GFRA1: variants seen among roughly 807,000 people sequenced by gnomAD.
GFRA1 encodes GDNF family receptor alpha-1.
In GFRA1, 16 loss-of-function variants were observed where a neutral mutation model predicts 51.6. The ratio of observed to expected loss-of-function variants is 0.31; its 90% CI spans 0.21 to 0.47. The LOEUF is 0.47. GFRA1 is among the 20% of genes least tolerant of loss of function. The pLI, the probability that GFRA1 is intolerant of heterozygous loss-of-function variation, is 1.00. For missense variants in GFRA1, 530 were observed against 594.3 expected, an observed-to-expected ratio of 0.89 and a Z score of 1.13; for synonymous variants, 270 against 241.3, an observed-to-expected ratio of 1.12 and a Z score of -1.10.
chr10:116,261,782 A>G (rs1969320174), intron 4 of GFRA1, among the ~76,000 whole-genome samples: 1 of 152,230 alleles, frequency 6.6e-6, no homozygotes, highest in Non-Finnish European at 1.5e-5. Context: ...AAAATATTAA[A>G]AGTCATGGTA....
At position 116,057,680 on chromosome 10, in the gene GFRA1, A is replaced by G. The variant is rs1565539088; in HGVS notation, c.*6718T>C. 1 of 152,082 alleles carries G rather than the reference A, an allele frequency of 6.6e-6. No homozygotes were observed. The highest frequency in any genetic ancestry group is 1.5e-5 in the Non-Finnish European group (1 of 68,026). The allele number at this position is 152,082 out of a possible 1,614,324, so 9.4% of individuals were successfully genotyped here. On this transcript the variant is annotated 3_prime_UTR_variant, in exon 11 of 11. Transcript: ENST00000355422. ...ACTCCCTTGGGCGAGGGAAGGGAGA[A>G]GAAGATAGATAATGAGGAGAACTAT...
chr10:116,102,178 A>G (rs1956841587), intron 6 of GFRA1, among the ~76,000 whole-genome samples: 1 of 152,228 alleles, frequency 6.6e-6, no homozygotes, highest in Admixed American at 6.5e-5. Context: ...CCAACCGCCC[A>G]TAATGGCTCT....
At chr10:116,271,965 A>T in intron 2 of GFRA1, 25 bp downstream of exon 2, 1 of 1,546,010 alleles carries the variant, frequency 6.5e-7, no homozygotes, top group Non-Finnish European at 8.8e-7. Flanking sequence ...GAGGGTAAGA[A>T]AGCCCGCGGC....
chr10:116,151,016 T>C (rs1175430524), intron 5 of GFRA1, among the ~76,000 whole-genome samples: 1 of 152,070 alleles, frequency 6.6e-6, no homozygotes, highest in Non-Finnish European at 1.5e-5. Context: ...TTTTTTTTTT[T>C]CTAAACGGGA....
chr10:116,213,153 C>G (rs540941222), intron 4 of GFRA1, among the ~76,000 whole-genome samples: 2 of 152,210 alleles, frequency 1.3e-5, no homozygotes, highest in South Asian at 4.2e-4. Flanking sequence ...CCCAACAATA[C>G]CACTTCTAGG....
rs530935778 is a variant in GFRA1 at position 116,269,623 on chromosome 10, A to G, written c.335-37T>C. 2.4e-6 allele frequency: 3 copies of G among 1,253,450 alleles called. No homozygotes were observed. The South Asian group carries it at 3.6e-5, about 15-fold the overall frequency. The allele number at this position is 1,253,450 out of a possible 1,614,324, so 77.6% of individuals were successfully genotyped here. Reference sequence around the variant, plus strand: ...AGAAAGATTGGGCTCAGATCAGAAAAACATATATTTCAAGCAGGTTTTTGC... The same window carrying G: ...AGAAAGATTGGGCTCAGATCAGAAAGACATATATTTCAAGCAGGTTTTTGC... On this transcript the variant is annotated intron_variant, in intron 3 of 10. Coordinates refer to ENST00000355422, the MANE Select transcript of GFRA1 (RefSeq NM_005264.8).
chr10:116,270,952 G>A lies in GFRA1; in HGVS notation c.204C>T (p.Ala68=). ...TNFSLASGLE[A]KDECRSAMEA... is the part of the protein sequence containing the mutation. ...CCATGGCGCTGCGGCACTCATCCTTGGCCTCCAGGCCGGATGCCAGGCTGA... is the reference window on the plus strand; with the variant it reads ...CCATGGCGCTGCGGCACTCATCCTTAGCCTCCAGGCCGGATGCCAGGCTGA... Residue 68 remains alanine, a synonymous_variant, in exon 3 of 11, where the codon GCC becomes GCT. Transcript: ENST00000355422. The A allele has an allele frequency of 6.2e-7, 1 of 1,614,190 alleles. No homozygotes were observed. The highest frequency in any genetic ancestry group is 8.5e-7 in the Non-Finnish European group (1 of 1,180,042).
At chr10:116,213,987 C>CTA (rs1046942917) in intron 4 of GFRA1, among the ~76,000 whole-genome samples, 43 of 152,340 alleles carry the variant, frequency 2.8e-4, no homozygotes, top group African/African-American at 1.0e-3. Context: ...TTGATACACA[C>CTA]TATACAGTAG....
chr10:116,187,975 G>C (rs748859105), intron 5 of GFRA1, among the ~76,000 whole-genome samples: 1 of 152,152 alleles, frequency 6.6e-6, no homozygotes, highest in Non-Finnish European at 1.5e-5. Flanking sequence ...GAGTGTAACT[G>C]GCAGATATGA....
chr10:116,247,697 G>A (rs554660582), intron 4 of GFRA1, among the ~76,000 whole-genome samples: 10 of 152,288 alleles, frequency 6.6e-5, no homozygotes, highest in Admixed American at 5.2e-4. Flanking sequence ...TGTGTCAAAT[G>A]TCTCAGCAGA....
chr10:116,187,161 C>T (rs1187030797), intron 5 of GFRA1, among the ~76,000 whole-genome samples: 1 of 152,204 alleles, frequency 6.6e-6, no homozygotes, highest in East Asian at 1.9e-4. Context: ...GAATGCAATA[C>T]TTGCATCAGT....
intron 5 of GFRA1, among the ~76,000 whole-genome samples, chr10:116,168,199 A>G (rs998879337): frequency 6.7e-6 from 1 of 148,908 alleles, no homozygotes; most frequent in African/African-American, 2.5e-5. Flanking sequence ...TTCAACAATC[A>G]TTTATTGAGG....
intron 5 of GFRA1, among the ~76,000 whole-genome samples, chr10:116,197,671 A>G (rs1158070612): frequency 6.6e-6 from 1 of 152,196 alleles, no homozygotes; most frequent in Non-Finnish European, 1.5e-5. Context: ...GGTGGACATG[A>G]ATTTTGTGGG....
In GFRA1 at chr10:116,093,705, G is replaced by A. The variant is rs1956450918; in HGVS notation, c.1012C>T (p.Leu338Phe). ...TTCTTATTTTTTACAAACTCACTAAGACATGTATTGTCCTTGAAGAAATTC... is the reference window on the plus strand; with the variant it reads ...TTCTTATTTTTTACAAACTCACTAAAACATGTATTGTCCTTGAAGAAATTC... Reference protein sequence around the residue: ...FLNFFKDNTCLKNAIQAFGNG... With the variant: ...FLNFFKDNTCFKNAIQAFGNG... The change falls in exon 8 of 11, where the codon CTT (leucine) becomes TTT (phenylalanine). Residue 338 changes from leucine to phenylalanine, a missense_variant. Leu to Phe is a conservative substitution (Grantham distance 22). Coordinates refer to ENST00000355422, the MANE Select transcript of GFRA1 (RefSeq NM_005264.8). The A allele has an allele frequency of 1.2e-6, 2 of 1,613,666 alleles. No homozygotes were observed. Among genetic ancestry groups the A allele is most frequent in the Non-Finnish European group, 1.7e-6 (2 of 1,179,566 alleles).
chr10:116,139,563 T>C (rs1246935018), intron 5 of GFRA1, among the ~76,000 whole-genome samples: 3 of 152,218 alleles, frequency 2.0e-5, no homozygotes, highest in African/African-American at 4.8e-5. Context: ...GGGGTCAAGA[T>C]GATTCCCTCC....
chr10:116,160,767 A>G (rs1436785146), intron 5 of GFRA1, among the ~76,000 whole-genome samples: 1 of 152,204 alleles, frequency 6.6e-6, no homozygotes, highest in African/African-American at 2.4e-5. Context: ...AGTGGCAGGG[A>G]CCACCAGGCA....
At chr10:116,137,255 G>A (rs922563832) in intron 5 of GFRA1, among the ~76,000 whole-genome samples, 1 of 152,130 alleles carries the variant, frequency 6.6e-6, no homozygotes, top group Non-Finnish European at 1.5e-5. Flanking sequence ...AGAATCAGCT[G>A]AAACAATGAA....
intron 4 of GFRA1, among the ~76,000 whole-genome samples, chr10:116,256,895 T>G (rs1242844797): frequency 6.7e-6 from 1 of 148,402 alleles, no homozygotes; most frequent in Non-Finnish European, 1.5e-5. Flanking sequence ...GACAGCACCA[T>G]CCCTCCCAGG....
chr10:116,228,980 CAAAAAAAAAAA>C (rs57618028), intron 4 of GFRA1, among the ~76,000 whole-genome samples: 1,152 of 52,938 alleles, frequency 0.022, 26 homozygotes, highest in African/African-American at 0.071. Context: ...TACTCCATCT[CAAAAAAAAAAA>C]AAAAAAAAAA....
Sources: allele counts gnomAD v4.1 joint callset (sites outside exome capture counted in the v4.1 genomes callset), GRCh38; gene constraint gnomAD v4.1.1; transcripts MANE v1.5; gene names NCBI Gene and HGNC (gene_info 2026-07-23, HGNC 2026-07-21).